ECEL1: variants seen among roughly 807,000 people sequenced by gnomAD.
The protein encoded by ECEL1 is endothelin-converting enzyme-like 1.
ECEL1 carries 87 observed loss-of-function variants against 101.8 expected under a neutral mutation model. That is an observed-to-expected ratio of 0.85 (90% CI 0.72 to 1.02). The LOEUF is 1.02. ECEL1 is among the 50% of genes least tolerant of loss of function. The probability of loss-of-function intolerance (pLI) is 0.00; values close to 1 mark genes in which losing one functional copy is unlikely to be tolerated. For synonymous variants in ECEL1, 487 were observed against 468.7 expected, an observed-to-expected ratio of 1.04 and a Z score of -0.50; for missense variants, 1,032 against 1,079.2, an observed-to-expected ratio of 0.96 and a Z score of 0.61.
chr2:232,484,707 C>T (rs1690674753), intron 5 of ECEL1, 94 bp downstream of exon 5: 10 of 1,602,284 alleles, frequency 6.2e-6, no homozygotes, highest in Middle Eastern at 1.7e-4. Context: ...GGCCAAGGAA[C>T]GGTTTGCCCA....
Position 232,486,465 on chromosome 2 carries a change from C to A in ECEL1, c.189G>T (p.Leu63=). ...PRWNRREVCL[L]SGLVFAAGLC... ...GGCCGGCGGCGAACACCAGCCCCGA[C>A]AGCAGGCACACCTCGCGCCGGTTCC... Residue 63 remains leucine, a synonymous_variant, in exon 2 of 18, where the codon CTG becomes CTT. Coordinates refer to ENST00000304546, the MANE Select transcript of ECEL1 (RefSeq NM_004826.4). 6.9e-7 allele frequency: 1 copy of A among 1,445,630 alleles called. No homozygotes were observed. Among genetic ancestry groups the A allele is most frequent in the South Asian group, 1.4e-5 (1 of 72,134 alleles). 89.6% of individuals were successfully genotyped at this position (1,445,630 alleles called of 1,614,324 possible). A position where few individuals can be genotyped will look rare whatever the true frequency, so the allele number is the denominator to read the frequency against.
chr2:232,481,061 G>A, intron 15 of ECEL1, 30 bp downstream of exon 15: 2 of 1,551,106 alleles, frequency 1.3e-6, no homozygotes, highest in Non-Finnish European at 1.7e-6. Context: ...CCCTCCTGCA[G>A]CAGGGGTGGA....
rs756121085 is a variant in ECEL1, at chr2:232,481,628, C to A, written c.1867G>T (p.Gly623Cys). 1.2e-6 allele frequency: 2 copies of A among 1,613,570 alleles called. No homozygotes were observed. Reference sequence around the variant, plus strand: ...AGGTTCCCTGAGCGGTCATACTGGCCCCCTGTGGGCAGTGCAGCAGGCTGA... The same window carrying A: ...AGGTTCCCTGAGCGGTCATACTGGCACCCTGTGGGCAGTGCAGCAGGCTGA... Reference protein sequence around the residue: ...ELTHGYDDWGGQYDRSGNLLH... With the variant: ...ELTHGYDDWGCQYDRSGNLLH... Residue 623 changes from glycine (G) to cysteine (C), a missense_variant and splice_region_variant, in exon 14 of 18, where the codon GGC becomes TGC. By Grantham distance (159) the Gly-to-Cys change is radical (BLOSUM62 -3). Transcript: ENST00000304546.
At chr2:232,487,279 C>T (rs1181897374) in intron 1 of ECEL1, among the ~76,000 whole-genome samples, 1 of 152,190 alleles carries the variant, frequency 6.6e-6, no homozygotes, top group African/African-American at 2.4e-5. Flanking sequence ...CGCTCCCTGG[C>T]TCCTTCTGCT....
At chr2:232,481,389 C>A in intron 14 of ECEL1, 117 bp downstream of exon 14, 1 of 1,490,728 alleles carries the variant, frequency 6.7e-7, no homozygotes, top group Admixed American at 2.0e-5. Context: ...AATGTGTGTG[C>A]AGGGACCTGG....
In ECEL1 at chr2:232,486,182, C is replaced by A; in HGVS notation, c.472G>T (p.Glu158Ter). Residue 158 changes from glutamate to a stop codon, truncating the protein, a stop_gained, in exon 2 of 18, where the codon GAG becomes TAG. Transcript: ENST00000304546. LOFTEE classifies it high-confidence loss of function. ...GCCAGCAGGCGCCGTAGGCGCTCCT[C>A]GTTTTGCTCGCCGATGGCCGCGATG... is the stretch of plus-strand genomic sequence containing the variant. ...GTIAAIGEQN[E>*]ERLRRLLARP... The A allele has an allele frequency of 6.3e-7, 1 of 1,592,838 alleles. No homozygotes were observed. Among genetic ancestry groups the A allele is most frequent in the Non-Finnish European group, 8.5e-7 (1 of 1,174,978 alleles).
rs1690736016 is a variant in ECEL1 at position 232,486,567 on chromosome 2, G to A, written c.87C>T (p.Arg29=). The change falls in exon 2 of 18, where the codon CGC becomes CGT. Residue 29 remains arginine (R), a synonymous_variant. Coordinates refer to ENST00000304546, the MANE Select transcript of ECEL1 (RefSeq NM_004826.4). ...GGAAGCCCGGGGGCAGGGAGGCCCC[G>A]CGCGCGCCCCCCGCGCCGCAGCGGC... is the stretch of plus-strand genomic sequence containing the variant. ...YVSRCGAGGA[R]GASLPPGFPL... 4 of 1,374,092 alleles carry A rather than the reference G, an allele frequency of 2.9e-6. No homozygotes were observed. The highest frequency in any genetic ancestry group is 2.8e-6 in the Non-Finnish European group (3 of 1,067,116). The allele number at this position is 1,374,092 out of a possible 1,614,324, so 85.1% of individuals were successfully genotyped here.
chr2:232,479,978 C>T lies in ECEL1; in HGVS notation c.*175G>A. 3 of 634,596 alleles carry T rather than the reference C, an allele frequency of 4.7e-6. No homozygotes were observed. The highest frequency in any genetic ancestry group is 5.5e-5 in the East Asian group (2 of 36,496). 39.3% of individuals were successfully genotyped at this position (634,596 alleles called of 1,614,324 possible). Reference sequence around the variant, plus strand: ...CTCACAGCCCCCCAAAGTCCAGCCTCACCCTGCTCCAGGCCCCTCCTGAAG... The same window carrying T: ...CTCACAGCCCCCCAAAGTCCAGCCTTACCCTGCTCCAGGCCCCTCCTGAAG... On this transcript the variant is annotated 3_prime_UTR_variant, in exon 18 of 18. Transcript: ENST00000304546.
chr2:232,481,037 TC>T, intron 15 of ECEL1, 53 bp downstream of exon 15: 1 of 1,545,356 alleles, frequency 6.5e-7, no homozygotes, highest in South Asian at 1.2e-5. Flanking sequence ...TCTGGAGTCC[TC>T]ATCAGCCCCC....
intron 4 of ECEL1, 25 bp downstream of exon 4, chr2:232,484,953 GGGC>G (rs1690682023): frequency 6.2e-7 from 1 of 1,612,712 alleles, no homozygotes; most frequent in Non-Finnish European, 8.5e-7. Context: ...CTCAAGCCCA[GGGC>G]AGCCTCCAGT....
chr2:232,480,113 C>T lies in ECEL1; in HGVS notation c.*40G>A, dbSNP rs375991189. The T allele has an allele frequency of 8.1e-6, 13 of 1,595,412 alleles. No individual in the cohort carries two copies. The highest frequency in any genetic ancestry group is 2.7e-5 in the African/African-American group (2 of 74,546). On this transcript the variant is annotated 3_prime_UTR_variant, in exon 18 of 18. Transcript: ENST00000304546. ...CCCCGGTAGCCAGCAGGAGGTGATTCGTGCGGGGGCAGTGGGGGCGTGCAG... is the reference window on the plus strand; with the variant it reads ...CCCCGGTAGCCAGCAGGAGGTGATTTGTGCGGGGGCAGTGGGGGCGTGCAG...
chr2:232,484,560 C>T lies in ECEL1; in HGVS notation c.1096G>A (p.Glu366Lys), dbSNP rs1340267881. The T allele has an allele frequency of 1.2e-6, 2 of 1,613,938 alleles. No homozygotes were observed. The highest frequency in any genetic ancestry group is 1.1e-5 in the South Asian group (1 of 91,082). ...WKWLLDQIFQ[E>K]DFSEEEEVVL... ...ACCTCCTCTTCCTCTGAGAAGTCCT[C>T]CTGGAAGATCTGGTCTAGCAGCCAC... Residue 366 changes from glutamate to lysine, a missense_variant, in exon 6 of 18, where the codon GAG becomes AAG. Physicochemically the swap from Glu to Lys is moderately conservative, Grantham distance 56 (BLOSUM62 1). Transcript: ENST00000304546.
In ECEL1 at chr2:232,480,737, A is replaced by T; in HGVS notation, c.2132T>A (p.Phe711Tyr). 2.5e-6 allele frequency: 4 copies of T among 1,614,064 alleles called. No homozygotes were observed. Among genetic ancestry groups the T allele is most frequent in the Non-Finnish European group, 3.4e-6 (4 of 1,179,986 alleles). ...PRLKYTHDQL[F>Y]FIAFAQNWCI... ...GCCCACCTGGGCAAAGGCAATGAAG[A>T]AGAGCTGGTCATGTGTGTACTTGAG... Residue 711 changes from phenylalanine to tyrosine, a missense_variant, in exon 16 of 18, where the codon TTC (phenylalanine) becomes TAC (tyrosine). Transcript: ENST00000304546.
rs2106182277 is a variant in ECEL1 at position 232,481,102 on chromosome 2, G to T, written c.2044C>A (p.Leu682Met). 6.4e-7 allele frequency: 1 copy of T among 1,561,574 alleles called. No individual in the cohort carries two copies. The highest frequency in any genetic ancestry group is 8.7e-7 in the Non-Finnish European group (1 of 1,152,960). ...ENIADMGGLK[L>M]AYHAYQKWVR... is the part of the protein sequence containing the mutation. ...GGCAGGCCGCTCACGTGGTAGGCCA[G>T]CTTGAGGCCGCCCATATCTGCGATG... is the stretch of plus-strand genomic sequence containing the variant. Residue 682 changes from leucine (L) to methionine (M), a missense_variant, in exon 15 of 18, where the codon CTG (leucine) becomes ATG (methionine). Coordinates refer to ENST00000304546, the MANE Select transcript of ECEL1 (RefSeq NM_004826.4).
chr2:232,481,465 C>T (rs369916383), intron 14 of ECEL1, 41 bp downstream of exon 14: 99 of 1,579,836 alleles, frequency 6.3e-5, no homozygotes, highest in Non-Finnish European at 7.7e-5. Flanking sequence ...GCCCGTGCCC[C>T]ACCAGGCCTG....
intron 1 of ECEL1, 36 bp from the exon 2 acceptor site, chr2:232,486,790 G>T: frequency 1.0e-5 from 10 of 973,764 alleles, no homozygotes; most frequent in South Asian, 2.9e-5. Context: ...AGGAGGCGCC[G>T]CAGCCGGATG....
chr2:232,482,480 G>T lies in ECEL1; in HGVS notation c.1745-11C>A. 1 of 1,614,036 alleles carries T rather than the reference G, an allele frequency of 6.2e-7. No homozygotes were observed. On this transcript the variant is annotated splice_polypyrimidine_tract_variant and intron_variant, in intron 11 of 17. Coordinates refer to ENST00000304546, the MANE Select transcript of ECEL1 (RefSeq NM_004826.4). ...TGCCCGCGGGGAACACTACAAGAAG[G>T]GGGTGCTCAGTGGGAAACCCATCCA... is the stretch of plus-strand genomic sequence containing the variant.
chr2:232,484,846 C>A lies in ECEL1; in HGVS notation c.1014G>T (p.Met338Ile). The change falls in exon 5 of 18, where the codon ATG (methionine) becomes ATT (isoleucine). Residue 338 changes from methionine (M) to isoleucine (I), a missense_variant. Coordinates refer to ENST00000304546, the MANE Select transcript of ECEL1 (RefSeq NM_004826.4). ...GCTGCCCCAGCGTCACCTTGTTGTA[C>A]ATGGAGCTGACATCTCGCCGTAGGT... ...HDDLRRDVSSMYNKVTLGQLQ... is the reference protein window; with the variant it reads ...HDDLRRDVSSIYNKVTLGQLQ... 7 of 1,614,004 alleles carry A rather than the reference C, an allele frequency of 4.3e-6. No individual in the cohort carries two copies. Among genetic ancestry groups the A allele is most frequent in the Non-Finnish European group, 5.9e-6 (7 of 1,179,996 alleles).
At chr2:232,484,394 C>G (rs1690665096) in intron 6 of ECEL1, 78 bp downstream of exon 6, 1 of 1,588,516 alleles carries the variant, frequency 6.3e-7, no homozygotes, top group African/African-American at 1.3e-5. Flanking sequence ...ATGTAAAGCC[C>G]ACCCAGCAGA....
Sources: allele counts gnomAD v4.1 joint callset (sites outside exome capture counted in the v4.1 genomes callset), GRCh38; gene constraint gnomAD v4.1.1; transcripts MANE v1.5; gene names NCBI Gene and HGNC (gene_info 2026-07-23, HGNC 2026-07-21).